Variants in CHIC2 observed in about 807,000 individuals in gnomAD.
CHIC2 encodes cysteine rich hydrophobic domain 2.
CHIC2 carries 14 observed loss-of-function variants against 25.9 expected under a neutral mutation model. The observed-to-expected ratio is 0.54, with a 90% confidence interval of 0.36 to 0.85. CHIC2 has a LOEUF of 0.85. Ranked by LOEUF, CHIC2 falls within the 40% of genes least tolerant of loss-of-function variation. The probability of loss-of-function intolerance (pLI) is 0.01; values close to 1 mark genes in which losing one functional copy is unlikely to be tolerated. For synonymous variants in CHIC2, 70 were observed against 72.0 expected (o/e 0.97, Z 0.14); for missense variants, 146 against 202.0 (o/e 0.72, Z 1.68).
intron 3 of CHIC2, among the ~76,000 whole-genome samples, chr4:54,046,554 T>A (rs574035576): frequency 6.6e-6 from 1 of 152,198 alleles, no homozygotes; most frequent in South Asian, 2.1e-4. Flanking sequence ...GGGGAAAGGA[T>A]TCCCTATTTA....
chr4:54,083,310 C>G, the CHIC2 span, among the ~76,000 whole-genome samples: 1 of 152,122 alleles, frequency 6.6e-6, no homozygotes, highest in Non-Finnish European at 1.5e-5. Context: ...CCACCACGCC[C>G]AACTCCAATC....
Position 54,009,994 on chromosome 4 carries a change from G to T in CHIC2, c.*101C>A, listed in dbSNP as rs1042828311. The stretch of plus-strand genomic sequence containing the variant: ...AACAAAAACAAAAAAAACACCACAC[G>T]ATTCTGTAGAACCAATGTTATGTCA... On this transcript the variant is annotated 3_prime_UTR_variant, in exon 6 of 6. Coordinates refer to ENST00000263921, the MANE Select transcript of CHIC2 (RefSeq NM_012110.4). 3.3e-6 allele frequency: 2 copies of T among 604,820 alleles called. No individual in the cohort carries two copies. The highest frequency in any genetic ancestry group is 3.3e-5 in the East Asian group (1 of 30,468). 37.5% of individuals were successfully genotyped at this position (604,820 alleles called of 1,614,324 possible). A position where few individuals can be genotyped will look rare whatever the true frequency, so the allele number is the denominator to read the frequency against.
chr4:54,087,720 T>C, the CHIC2 span: 2 of 527,288 alleles, frequency 3.8e-6, no homozygotes, highest in South Asian at 4.2e-5. Flanking sequence ...CAAAGAATTC[T>C]GCATCTCTTT....
chr4:54,032,274 C>G (rs1488768639), intron 3 of CHIC2, among the ~76,000 whole-genome samples: 1 of 138,610 alleles, frequency 7.2e-6, no homozygotes, highest in African/African-American at 2.7e-5. Flanking sequence ...TCCCCCTCCC[C>G]CTCCCCCTCC....
intron 3 of CHIC2, among the ~76,000 whole-genome samples, chr4:54,017,124 C>CA (rs1216493436): frequency 6.6e-6 from 1 of 151,754 alleles, no homozygotes; most frequent in African/African-American, 2.4e-5. Context: ...AGTTTATGTC[C>CA]ACAAGGCTGT....
chr4:54,030,142 C>T (rs1468471273), intron 3 of CHIC2, among the ~76,000 whole-genome samples: 1 of 152,002 alleles, frequency 6.6e-6, no homozygotes, highest in Non-Finnish European at 1.5e-5. Context: ...GGCATCTTAG[C>T]AAAGGTTTCA....
At chr4:54,053,950 T>C (rs1312310282) in intron 1 of CHIC2, among the ~76,000 whole-genome samples, 8 of 152,154 alleles carry the variant, frequency 5.3e-5, no homozygotes. Context: ...GCCACCATGC[T>C]GGGCTAATTT....
chr4:54,085,414 T>C, the CHIC2 span, among the ~76,000 whole-genome samples: 3 of 152,226 alleles, frequency 2.0e-5, no homozygotes, highest in Non-Finnish European at 2.9e-5. Flanking sequence ...GGACACTGTC[T>C]TGCTCAATCA....
intron 1 of CHIC2, among the ~76,000 whole-genome samples, chr4:54,052,856 A>C (rs565600261): frequency 2.0e-5 from 3 of 152,322 alleles, no homozygotes; most frequent in East Asian, 3.9e-4. Flanking sequence ...TAGAAATGTA[A>C]TATTACCTAA....
At chr4:54,072,869 A>G in the CHIC2 span, among the ~76,000 whole-genome samples, 2 of 152,134 alleles carry the variant, frequency 1.3e-5, no homozygotes, top group South Asian at 2.1e-4. Flanking sequence ...TCAGGAGATC[A>G]AGACCACCCT....
intron 3 of CHIC2, among the ~76,000 whole-genome samples, chr4:54,025,364 G>A (rs564462188): frequency 6.6e-6 from 1 of 150,742 alleles, no homozygotes; most frequent in Admixed American, 6.6e-5. Context: ...ATCCACCCCC[G>A]CCCACAAAAC....
At chr4:54,021,330 A>G (rs1560382930) in intron 3 of CHIC2, among the ~76,000 whole-genome samples, 1 of 152,034 alleles carries the variant, frequency 6.6e-6, no homozygotes, top group South Asian at 2.1e-4. Flanking sequence ...CTCTGCTCCC[A>G]ATGCGACTCA....
At chr4:54,048,252 A>C (rs1416014282) in intron 3 of CHIC2, among the ~76,000 whole-genome samples, 1 of 152,216 alleles carries the variant, frequency 6.6e-6, no homozygotes, top group Non-Finnish European at 1.5e-5. Flanking sequence ...GGCCTCCCAA[A>C]GTGTTAAAAT....
intron 3 of CHIC2, among the ~76,000 whole-genome samples, chr4:54,043,434 A>T (rs1436361811): frequency 6.6e-6 from 1 of 151,836 alleles, no homozygotes; most frequent in African/African-American, 2.4e-5. Context: ...AAAAAAAAAA[A>T]AAAAAGAAAC....
upstream of CHIC2, among the ~76,000 whole-genome samples, chr4:54,066,945 A>G (rs1717531955): frequency 6.6e-6 from 1 of 152,238 alleles, no homozygotes; most frequent in Admixed American, 6.5e-5. Context: ...GCCCCAAAGT[A>G]TCTAAATCAT....
At chr4:54,062,337 A>AT (rs1362735195) in intron 1 of CHIC2, among the ~76,000 whole-genome samples, 2 of 151,816 alleles carry the variant, frequency 1.3e-5, no homozygotes. Flanking sequence ...GATTTTATTT[A>AT]TTTATTTATT....
intron 3 of CHIC2, among the ~76,000 whole-genome samples, chr4:54,040,006 C>G (rs1452295639): frequency 6.6e-6 from 1 of 152,108 alleles, no homozygotes; most frequent in Non-Finnish European, 1.5e-5. Flanking sequence ...TAGGGATAGA[C>G]AACAGATCAC....
At chr4:54,072,642 C>A in the CHIC2 span, among the ~76,000 whole-genome samples, 2 of 152,178 alleles carry the variant, frequency 1.3e-5, no homozygotes, top group African/African-American at 4.8e-5. Flanking sequence ...CTTAGTTATT[C>A]TTGTAATCTA....
chr4:54,086,921 G>A, the CHIC2 span: 1 of 644,904 alleles, frequency 1.6e-6, no homozygotes, highest in Admixed American at 2.3e-5. Context: ...AATAAAAAGG[G>A]TTGAATGAGT....
Sources: gnomAD v4.1 joint callset for allele counts (sites outside exome capture counted in the v4.1 genomes callset) on GRCh38, gnomAD v4.1.1 for gene constraint, MANE v1.5 for transcripts, NCBI Gene and HGNC (gene_info 2026-07-23, HGNC 2026-07-21) for gene names.